ZZEF1: variants seen among roughly 807,000 people sequenced by gnomAD.
ZZEF1 encodes zinc finger ZZ-type and EF-hand domain-containing protein 1.
Under a neutral mutation model 342.8 loss-of-function variants are expected in ZZEF1, and 157 were observed. The observed-to-expected ratio is 0.46, with a 90% CI of 0.40 to 0.52. The LOEUF (loss-of-function observed/expected upper bound fraction) is 0.52, where lower values mean the gene tolerates loss of function less well. Ranked by LOEUF, ZZEF1 falls within the 20% of genes least tolerant of loss-of-function variation. The pLI is 0.00. For synonymous variants in ZZEF1, 1,505 were observed against 1,429.1 expected (o/e 1.05, Z -1.20); for missense variants, 3,480 against 3,725.6 (o/e 0.93, Z 1.72).
chr17:4,068,340 C>T (rs1021732680), intron 26 of ZZEF1, among the ~76,000 whole-genome samples: 9 of 152,190 alleles, frequency 5.9e-5, no homozygotes, highest in East Asian at 1.9e-4. Context: ...TGCAATGGCG[C>T]GATCTTGGCT....
rs2056058777 is a variant in ZZEF1 at position 4,014,790 on chromosome 17, G to A, written c.8146-275C>T. Among the ~76,000 whole-genome samples the A allele has an allele frequency of 6.6e-6, 1 of 152,204 alleles. No individual in the cohort carries two copies. Among genetic ancestry groups the A allele is most frequent in the African/African-American group, 2.4e-5 (1 of 41,454 alleles). On this transcript the variant is annotated intron_variant, in intron 49 of 54. Transcript: ENST00000381638. The surrounding 1 kb of genome is among the most constrained non-coding windows in gnomAD (Gnocchi z 4.4). Reference sequence around the variant, plus strand: ...TGAAGAGGACAGGAGGACCCTGTTAGGAGAAGGCGGGAGTGGGAGACAAGG... The same window carrying A: ...TGAAGAGGACAGGAGGACCCTGTTAAGAGAAGGCGGGAGTGGGAGACAAGG...
intron 1 of ZZEF1, 84 bp downstream of exon 1, chr17:4,142,458 T>G (rs1019891427): frequency 6.2e-5 from 90 of 1,454,746 alleles, no homozygotes; most frequent in Non-Finnish European, 8.3e-6. Context: ...GCCTGGCCTC[T>G]CCAAAGCAAA....
At chr17:4,099,256 G>A (rs993048753) in intron 9 of ZZEF1, among the ~76,000 whole-genome samples, 4 of 151,854 alleles carry the variant, frequency 2.6e-5, no homozygotes, top group African/African-American at 4.8e-5. Context: ...ACAGGGTCTC[G>A]CTCTGTTGCC....
chr17:4,104,198 C>A (rs2145446250), intron 8 of ZZEF1, among the ~76,000 whole-genome samples: 1 of 152,298 alleles, frequency 6.6e-6, no homozygotes, highest in East Asian at 1.9e-4. Context: ...CACGGGAATG[C>A]AGAGGAATGC....
intron 12 of ZZEF1, among the ~76,000 whole-genome samples, chr17:4,090,209 G>A (rs1191499970): frequency 3.0e-5 from 3 of 101,504 alleles, no homozygotes; most frequent in Non-Finnish European, 2.0e-5. Flanking sequence ...AGCCTGAGAC[G>A]CCCTCCTCCA....
Position 4,006,506 on chromosome 17 carries a change from C to T in ZZEF1, c.*384G>A, listed in dbSNP as rs1475776324. ...GGATCTGGGTGGACTGTGCCTCCCT[C>T]TGAAGGCAAGTGCAGGCAGTTCCAG... is the stretch of plus-strand genomic sequence containing the variant. On this transcript the variant is annotated 3_prime_UTR_variant, in exon 55 of 55. Transcript: ENST00000381638. 1 of 271,974 alleles carries T rather than the reference C, an allele frequency of 3.7e-6. No individual in the cohort carries two copies. The highest frequency in any genetic ancestry group is 7.2e-6 in the Non-Finnish European group (1 of 139,276). The allele number at this position is 271,974 out of a possible 1,614,324, so 16.8% of individuals were successfully genotyped here.
At position 4,059,211 on chromosome 17, in the gene ZZEF1, A is replaced by C. The variant is rs1339004531; in HGVS notation, c.4963T>G (p.Leu1655Val). 1.2e-6 allele frequency: 2 copies of C among 1,608,032 alleles called. No individual in the cohort carries two copies. Among genetic ancestry groups the C allele is most frequent in the Non-Finnish European group, 1.7e-6 (2 of 1,179,066 alleles). ...CTAAATCCTTTAACTGCTTTGACCAAAAACAGAACAAGTTGATAGTAAGTG... is the reference window on the plus strand; with the variant it reads ...CTAAATCCTTTAACTGCTTTGACCACAAACAGAACAAGTTGATAGTAAGTG... ...RDTYYQLVLFLVKAVKGFSSL... is the reference protein window; with the variant it reads ...RDTYYQLVLFVVKAVKGFSSL... The change falls in exon 31 of 55, where the codon TTG (leucine) becomes GTG (valine). Residue 1655 changes from leucine to valine, a missense_variant. Transcript: ENST00000381638.
intron 46 of ZZEF1, among the ~76,000 whole-genome samples, chr17:4,018,294 G>A (rs1333366725): frequency 6.6e-6 from 1 of 151,756 alleles, no homozygotes; most frequent in Admixed American, 6.6e-5. Context: ...TTTTTTTAGA[G>A]ATGACGTGTT....
intron 18 of ZZEF1, among the ~76,000 whole-genome samples, chr17:4,079,916 T>C (rs372978835): frequency 5.3e-5 from 8 of 152,234 alleles, no homozygotes; most frequent in East Asian, 3.8e-4. Context: ...AAAGAAAAGT[T>C]ACCTTCAAGT....
chr17:4,024,566 G>A (rs1487160391), intron 43 of ZZEF1, among the ~76,000 whole-genome samples: 1 of 152,052 alleles, frequency 6.6e-6, no homozygotes, highest in Non-Finnish European at 1.5e-5. Flanking sequence ...TCATCCCCTA[G>A]GAGGCTAGCT....
intron 11 of ZZEF1, among the ~76,000 whole-genome samples, chr17:4,093,807 C>A (rs1444468382): frequency 6.7e-6 from 1 of 149,328 alleles, no homozygotes; most frequent in African/African-American, 2.5e-5. Flanking sequence ...ATTTTTTTTT[C>A]TTGTCTTAGC....
At chr17:4,106,040 C>T (rs754511489) in intron 6 of ZZEF1, among the ~76,000 whole-genome samples, 8 of 152,150 alleles carry the variant, frequency 5.3e-5, no homozygotes, top group Non-Finnish European at 1.0e-4. Flanking sequence ...ACCTCCACCT[C>T]CCAGGTTCAA....
At position 4,072,633 on chromosome 17, in the gene ZZEF1, G is replaced by C; in HGVS notation, c.3809C>G (p.Thr1270Ser). ...PELELEASWP[T>S]HPHRNSKEVK... ...CTCCTTACTATTCCGGTGTGGGTGAGTGGGCCAGCTTGCTTCTAATTCCAA... is the reference window on the plus strand; with the variant it reads ...CTCCTTACTATTCCGGTGTGGGTGACTGGGCCAGCTTGCTTCTAATTCCAA... Residue 1270 changes from threonine to serine, a missense_variant, in exon 25 of 55, where the codon ACT (threonine) becomes AGT (serine). Physicochemically the swap from Thr to Ser is moderately conservative, Grantham distance 58. Transcript: ENST00000381638. The C allele has an allele frequency of 1.9e-6, 3 of 1,613,596 alleles. No homozygotes were observed. The highest frequency in any genetic ancestry group is 2.5e-6 in the Non-Finnish European group (3 of 1,179,706).
intron 24 of ZZEF1, among the ~76,000 whole-genome samples, chr17:4,073,892 T>C (rs1197481302): frequency 6.6e-6 from 1 of 151,694 alleles, no homozygotes; most frequent in East Asian, 1.9e-4. Context: ...AAAATGACAA[T>C]GTTGCCAAAA....
intron 2 of ZZEF1, among the ~76,000 whole-genome samples, chr17:4,119,859 C>A (rs1213407896): frequency 6.6e-6 from 1 of 150,708 alleles, no homozygotes; most frequent in East Asian, 1.9e-4. Flanking sequence ...TATAGAGTCA[C>A]TAAACTCCTT....
At chr17:4,009,137 CG>C (rs2055878573) in intron 53 of ZZEF1, 183 bp from the exon 54 acceptor site, 1 of 724,258 alleles carries the variant, frequency 1.4e-6, no homozygotes, top group African/African-American at 1.8e-5. Context: ...TGCCCGGTGC[CG>C]GGGTCACCTT....
intron 1 of ZZEF1, among the ~76,000 whole-genome samples, chr17:4,135,656 T>A (rs1030233252): frequency 1.3e-5 from 2 of 152,164 alleles, no homozygotes; most frequent in Non-Finnish European, 2.9e-5. Context: ...TTACCATCCC[T>A]GGGGCCATTC....
At chr17:4,033,386 C>A in intron 40 of ZZEF1, 1 of 169,078 alleles carries the variant, frequency 5.9e-6, no homozygotes, top group East Asian at 1.5e-4. Context: ...CTTGCTCTGT[C>A]GTCCAGGCTG....
In ZZEF1 at chr17:4,017,396, A is replaced by T; in HGVS notation, c.7976T>A (p.Leu2659Gln). The change falls in exon 48 of 55, where the codon CTG becomes CAG. Residue 2659 changes from leucine to glutamine, a missense_variant. Leu to Gln is a moderately radical substitution (Grantham distance 113). Transcript: ENST00000381638. The surrounding 1 kb of genome is among the most constrained non-coding windows in gnomAD (Gnocchi z 5.1). ...MTYILDMFMQ[L>Q]EEKHEWEKIL... is the part of the protein sequence containing the mutation. Reference sequence around the variant, plus strand: ...CTTCTCCCACTCATGCTTTTCTTCCAGCTGCATGAACATATCCAAAATGTA... The same window carrying T: ...CTTCTCCCACTCATGCTTTTCTTCCTGCTGCATGAACATATCCAAAATGTA... 6.2e-7 allele frequency: 1 copy of T among 1,600,868 alleles called. No individual in the cohort carries two copies.
Sources: gnomAD v4.1 joint callset for allele counts (sites outside exome capture counted in the v4.1 genomes callset) on GRCh38, gnomAD v4.1.1 for gene constraint, Gnocchi (gnomAD v3.1) non-coding constraint, MANE v1.5 for transcripts, NCBI Gene and HGNC (gene_info 2026-07-23, HGNC 2026-07-21) for gene names.